CELF2: variants seen among roughly 807,000 people sequenced by gnomAD.
CELF2 encodes the protein CUGBP Elav-like family member 2, also known as CUG triplet repeat RNA-binding protein 2.
A neutral mutation model predicts 62.6 loss-of-function variants in CELF2; 8 were observed. The ratio of observed to expected loss-of-function variants is 0.13; its 90% confidence interval spans 0.07 to 0.23. The LOEUF (loss-of-function observed/expected upper bound fraction) is 0.23. CELF2 is among the 10% of genes least tolerant of loss of function. The pLI is 1.00. For synonymous variants in CELF2, 258 were observed against 250.0 expected (o/e 1.03, Z -0.30); for missense variants, 333 against 671.0 (o/e 0.50, Z 5.56).
intron 1 of CELF2, among the ~76,000 whole-genome samples, chr10:11,059,664 G>T (rs911768144): frequency 6.6e-6 from 1 of 152,132 alleles, no homozygotes; most frequent in Non-Finnish European, 1.5e-5. Flanking sequence ...TGCAGACTCC[G>T]AGATAGCAGC....
chr10:10,979,744 G>T, intron 2 of CELF2, among the ~76,000 whole-genome samples: 1 of 151,534 alleles, frequency 6.6e-6, no homozygotes, highest in East Asian at 1.9e-4. Context: ...TTTATCTAAG[G>T]AGCGAATCAA....
chr10:11,132,470 T>G (rs1296249539), intron 1 of CELF2, among the ~76,000 whole-genome samples: 1 of 152,116 alleles, frequency 6.6e-6, no homozygotes, highest in East Asian at 1.9e-4. Flanking sequence ...GGGATACAAA[T>G]TAAGAACCTT....
chr10:11,301,849 C>T (rs986028751), intron 9 of CELF2, among the ~76,000 whole-genome samples: 4 of 152,016 alleles, frequency 2.6e-5, no homozygotes, highest in Admixed American at 2.6e-4. Context: ...TCGTGAGGAG[C>T]CCCAGTTAGG....
rs546305531 is a variant in CELF2 at position 11,046,125 on chromosome 10, C to G, written c.74+27962C>G. On this transcript the variant is annotated intron_variant, in intron 1 of 12. Transcript: ENST00000633077. The surrounding 1 kb of genome is among the most constrained non-coding windows in gnomAD (Gnocchi z 4.6). ...CCTTCCAGCTCTGTTCTATTTGCTG[C>G]TGTTTAATGTTTTCCTGCCTCCCCA... Among the ~76,000 whole-genome samples, 1 of 152,320 alleles carries G rather than the reference C, an allele frequency of 6.6e-6. No homozygotes were observed. The highest frequency in any genetic ancestry group is 6.5e-5 in the Admixed American group (1 of 15,308).
intron 8 of CELF2, among the ~76,000 whole-genome samples, chr10:11,284,799 G>A (rs1452832330): frequency 6.6e-6 from 1 of 151,098 alleles, no homozygotes; most frequent in Non-Finnish European, 1.5e-5. Flanking sequence ...TGGATGGATG[G>A]TGGGCGGATG....
rs551731983 is a variant in CELF2 at position 11,009,015 on chromosome 10, G to C, written c.53+3575G>C. Among the ~76,000 whole-genome samples, 5 of 140,596 alleles carry C rather than the reference G, an allele frequency of 3.6e-5. 1 individual carries two copies. The highest frequency in any genetic ancestry group is 6.3e-5 in the Non-Finnish European group (4 of 63,046). The allele number at this position is 140,596 out of a possible 152,430, so 92.2% of individuals were successfully genotyped here. On this transcript the variant is annotated intron_variant, in intron 1 of 12. Transcript: ENST00000416382. Reference sequence around the variant, plus strand: ...TTCCTGGGGAATTTGCGGGGGGGGGGGGGGAGCATTCCTGATTCATAAAAC... The same window carrying C: ...TTCCTGGGGAATTTGCGGGGGGGGGCGGGGAGCATTCCTGATTCATAAAAC...
intron 3 of CELF2, among the ~76,000 whole-genome samples, chr10:11,228,718 CAAAAAAAAAAAA>C (rs56167230): frequency 0.81 from 110,046 of 135,724 alleles, 44,468 homozygotes; most frequent in Non-Finnish European, 0.89. Flanking sequence ...GCGCCCCTCG[CAAAAAAAAAAAA>C]AAAAAAAAAA....
At chr10:11,109,908 G>A (rs2054675229) in intron 1 of CELF2, among the ~76,000 whole-genome samples, 1 of 152,166 alleles carries the variant, frequency 6.6e-6, no homozygotes, top group South Asian at 2.1e-4. Context: ...AGGCAGGTGA[G>A]AGAGCAGTCT....
At chr10:10,965,991 C>T (rs866109614) in intron 2 of CELF2, among the ~76,000 whole-genome samples, 11 of 152,300 alleles carry the variant, frequency 7.2e-5, no homozygotes, top group Middle Eastern at 6.8e-3. Flanking sequence ...CTCCCTAACA[C>T]AAAATATTTC....
At chr10:10,846,098 A>G in intron 1 of CELF2, 1 of 985,256 alleles carries the variant, frequency 1.0e-6, no homozygotes, top group Non-Finnish European at 1.2e-6. Context: ...CTGCGCTCCC[A>G]GAGTTCAAGC....
the CELF2 span, among the ~76,000 whole-genome samples, chr10:10,589,182 T>C: frequency 6.6e-6 from 1 of 152,170 alleles, no homozygotes; most frequent in African/African-American, 2.4e-5. Flanking sequence ...ATAAGTAGAT[T>C]CAAAGATTTT....
intron 1 of CELF2, among the ~76,000 whole-genome samples, chr10:11,124,130 C>T (rs978525140): frequency 1.3e-5 from 2 of 152,082 alleles, no homozygotes; most frequent in Non-Finnish European, 2.9e-5. Context: ...GAGAACTGCC[C>T]CATGATTCAT....
chr10:10,726,877 C>T, the CELF2 span, among the ~76,000 whole-genome samples: 1 of 152,158 alleles, frequency 6.6e-6, no homozygotes, highest in Non-Finnish European at 1.5e-5. Flanking sequence ...TTAATTGGCT[C>T]ACGGTTCTGC....
At chr10:11,236,059 C>T (rs533478236) in intron 3 of CELF2, among the ~76,000 whole-genome samples, 1 of 152,244 alleles carries the variant, frequency 6.6e-6, no homozygotes, top group South Asian at 2.1e-4. Flanking sequence ...TGAGAGGTTG[C>T]AACTTGCAGA....
intron 1 of CELF2, among the ~76,000 whole-genome samples, chr10:10,830,724 A>G (rs1163508959): frequency 1.3e-5 from 2 of 152,152 alleles, no homozygotes; most frequent in Non-Finnish European, 2.9e-5. Context: ...CATAGAAAGC[A>G]TTCGCGTAAA....
At chr10:11,323,442 T>TAA (rs2095554672) in intron 11 of CELF2, among the ~76,000 whole-genome samples, 1 of 148,328 alleles carries the variant, frequency 6.7e-6, no homozygotes, top group Non-Finnish European at 1.5e-5. Context: ...ATAATAATAA[T>TAA]AATAATAATA....
chr10:11,144,136 A>G (rs2061824587), intron 1 of CELF2, among the ~76,000 whole-genome samples: 2 of 152,130 alleles, frequency 1.3e-5, no homozygotes, highest in South Asian at 2.1e-4. Context: ...ATGTTAGAAC[A>G]AAGTTTCACA....
At chr10:11,090,167 G>A (rs2047927302) in intron 1 of CELF2, among the ~76,000 whole-genome samples, 1 of 149,582 alleles carries the variant, frequency 6.7e-6, no homozygotes, top group South Asian at 2.1e-4. Context: ...TGTAATCCCT[G>A]AATCTAAAAT....
chr10:11,087,500 C>T (rs1006609187), intron 1 of CELF2, among the ~76,000 whole-genome samples: 3 of 152,176 alleles, frequency 2.0e-5, no homozygotes, highest in East Asian at 1.9e-4. Context: ...GCCCTTCTGA[C>T]GGCCCGTCGA....
Sources: allele counts gnomAD v4.1 joint callset (sites outside exome capture counted in the v4.1 genomes callset), GRCh38; gene constraint gnomAD v4.1.1; non-coding constraint Gnocchi (gnomAD v3.1); transcripts MANE v1.5; gene names NCBI Gene and HGNC (gene_info 2026-07-23, HGNC 2026-07-21).